The following SPA17 variants were observed in gnomAD, a reference collection of about 807,000 sequenced individuals.
SPA17 encodes the protein sperm autoantigenic protein 17.
SPA17 carries 7 observed loss-of-function variants against 13.8 expected under a neutral mutation model. The observed-to-expected ratio is 0.51, with a 90% CI of 0.29 to 0.95. The LOEUF is 0.95. SPA17 is among the 40% of genes least tolerant of loss of function. The pLI is 0.08. For missense variants in SPA17, 170 were observed against 179.3 expected (o/e 0.95, Z 0.30); for synonymous variants, 61 against 59.0 (o/e 1.03, Z -0.16).
At chr11:124,686,232 C>A (rs1015357997) in intron 3 of SPA17, among the ~76,000 whole-genome samples, 1 of 151,860 alleles carries the variant, frequency 6.6e-6, no homozygotes, top group Admixed American at 6.6e-5. Context: ...CCTCTTTGCC[C>A]CACTCTCATT....
At chr11:124,693,256 A>G (rs549487509) in intron 4 of SPA17, among the ~76,000 whole-genome samples, 21 of 152,260 alleles carry the variant, frequency 1.4e-4, no homozygotes, top group African/African-American at 4.6e-4. Flanking sequence ...CTCATTATTT[A>G]TAATAGGGGG....
intron 2 of SPA17, 62 bp downstream of exon 2, chr11:124,675,480 A>G (rs1943450905): frequency 2.3e-5 from 36 of 1,571,112 alleles, no homozygotes; most frequent in Non-Finnish European, 3.1e-5. Flanking sequence ...TTATGGTAAA[A>G]CTTGCTTAAG....
intron 4 of SPA17, among the ~76,000 whole-genome samples, chr11:124,693,481 A>G (rs1280954273): frequency 2.0e-5 from 3 of 147,572 alleles, no homozygotes; most frequent in Admixed American, 2.0e-4. Context: ...TTAAAATAAA[A>G]AGACATATAT....
At chr11:124,683,746 A>G (rs1299831859) in intron 3 of SPA17, among the ~76,000 whole-genome samples, 1 of 151,994 alleles carries the variant, frequency 6.6e-6, no homozygotes, top group Non-Finnish European at 1.5e-5. Context: ...AGTTTATTTT[A>G]TAATGATAAA....
intron 3 of SPA17, among the ~76,000 whole-genome samples, chr11:124,682,083 CAAAA>C (rs10589179): frequency 0.057 from 8,685 of 152,012 alleles, 576 homozygotes; most frequent in African/African-American, 0.16. Context: ...CAAGTTTCCT[CAAAA>C]AAATTAAGCC....
At chr11:124,681,161 G>A (rs994754259) in intron 2 of SPA17, among the ~76,000 whole-genome samples, 5 of 152,134 alleles carry the variant, frequency 3.3e-5, no homozygotes, top group African/African-American at 1.2e-4. Flanking sequence ...CGTTTTTAGT[G>A]CTTTTCTAAA....
intron 3 of SPA17, among the ~76,000 whole-genome samples, chr11:124,682,160 C>T (rs1289395095): frequency 6.6e-6 from 1 of 152,104 alleles, no homozygotes; most frequent in Non-Finnish European, 1.5e-5. Flanking sequence ...TAGAATGGTT[C>T]TGGTTAGGTA....
At chr11:124,681,828 T>C (rs148681202) in intron 3 of SPA17, among the ~76,000 whole-genome samples, 63 of 152,234 alleles carry the variant, frequency 4.1e-4, no homozygotes, top group African/African-American at 1.4e-3. Flanking sequence ...ATTCTTCAAA[T>C]GTTTTCAGCA....
rs146831113 is a variant in SPA17 at position 124,682,688 on chromosome 11, T to G, written c.225+1229T>G. On this transcript the variant is annotated intron_variant, in intron 3 of 4. Coordinates refer to ENST00000227135, the MANE Select transcript of SPA17 (RefSeq NM_017425.4). ...TGAATACAGGTCTGAAACAATCCAG[T>G]AAGACAAAAATAAAAAAGAATAAAC... 6.4e-4 allele frequency among the ~76,000 whole-genome samples: 97 copies of G among 151,982 alleles called. 2 individuals are homozygous for G. Among genetic ancestry groups the G allele is most frequent in the Admixed American group, 1.4e-3 (22 of 15,264 alleles).
chr11:124,673,984 C>G (rs1943420509), intron 1 of SPA17, 32 bp downstream of exon 1: 2 of 528,580 alleles, frequency 3.8e-6, no homozygotes, highest in Admixed American at 3.2e-5. Flanking sequence ...CTCTCCGATA[C>G]CAAGACCTAG....
rs36001463 is a variant in SPA17, at chr11:124,694,349, A to G, written c.359A>G (p.Lys120Arg). The change falls in exon 5 of 5, where the codon AAA becomes AGA. Residue 120 changes from lysine (K) to arginine (R), a missense_variant. Lys to Arg is a conservative substitution (Grantham distance 26). Transcript: ENST00000227135. ...DKEKEEVAAV[K>R]IQAAFRGHIA... is the part of the protein sequence containing the mutation. The stretch of plus-strand genomic sequence containing the variant: ...GAAAAAGAAGAGGTTGCTGCTGTCA[A>G]AATCCAAGCTGCCTTCCGGGGACAC... 1,191 of 1,614,096 alleles carry G rather than the reference A, an allele frequency of 7.4e-4. 8 individuals carry two copies. The African/African-American group carries it at 0.013, about 18-fold the overall frequency.
In SPA17 at chr11:124,681,334, C is replaced by A; in HGVS notation, c.155-55C>A. 3 of 1,403,310 alleles carry A rather than the reference C, an allele frequency of 2.1e-6. No individual in the cohort carries two copies. In the South Asian group the frequency reaches 4.0e-5, roughly 19 times the overall value. 86.9% of individuals were successfully genotyped at this position (1,403,310 alleles called of 1,614,324 possible). ...AACTTACATTTGTGTCACTATTCTACATTTACCTTAATGAATTCAAATAAA... is the reference window on the plus strand; with the variant it reads ...AACTTACATTTGTGTCACTATTCTAAATTTACCTTAATGAATTCAAATAAA... On this transcript the variant is annotated intron_variant, in intron 2 of 4. Transcript: ENST00000227135.
At chr11:124,686,017 C>T (rs1565425375) in intron 3 of SPA17, among the ~76,000 whole-genome samples, 1 of 152,110 alleles carries the variant, frequency 6.6e-6, no homozygotes. Flanking sequence ...CTTTGGGAGA[C>T]TGTTGGAAAG....
chr11:124,690,157 C>A (rs949008748), intron 3 of SPA17, among the ~76,000 whole-genome samples: 8 of 152,208 alleles, frequency 5.3e-5, no homozygotes, highest in African/African-American at 1.2e-4. Flanking sequence ...AAGATACATT[C>A]ATTTTTATGT....
In SPA17 at chr11:124,696,490, C is replaced by A. The variant is rs1487874182; in HGVS notation, c.*2044C>A. 6.6e-6 allele frequency: 1 copy of A among 151,900 alleles called. No homozygotes were observed. The highest frequency in any genetic ancestry group is 1.5e-5 in the Non-Finnish European group (1 of 68,028). The allele number at this position is 151,900 out of a possible 1,614,324, so 9.4% of individuals were successfully genotyped here. Reference sequence around the variant, plus strand: ...GCACTATGCATTCCATACACACACACACACACACACAGATCTCATGGTAGT... The same window carrying A: ...GCACTATGCATTCCATACACACACAAACACACACACAGATCTCATGGTAGT... On this transcript the variant is annotated 3_prime_UTR_variant, in exon 5 of 5. Transcript: ENST00000227135.
chr11:124,685,329 ATGTGGTGT>A (rs1177108522), intron 3 of SPA17, among the ~76,000 whole-genome samples: 1 of 152,244 alleles, frequency 6.6e-6, no homozygotes, highest in Non-Finnish European at 1.5e-5. Flanking sequence ...GGCAGCTTAC[ATGTGGTGT>A]TGAGTTTGTG....
At chr11:124,686,926 G>A (rs1413313379) in intron 3 of SPA17, among the ~76,000 whole-genome samples, 1 of 152,016 alleles carries the variant, frequency 6.6e-6, no homozygotes, top group Non-Finnish European at 1.5e-5. Flanking sequence ...TAGCAGAAGA[G>A]AGAACAAAGA....
At position 124,694,851 on chromosome 11, in the gene SPA17, A is replaced by G. The variant is rs1943657554; in HGVS notation, c.*405A>G. On this transcript the variant is annotated 3_prime_UTR_variant, in exon 5 of 5. Coordinates refer to ENST00000227135, the MANE Select transcript of SPA17 (RefSeq NM_017425.4). ...TAAAGAATTTCACTGCTTTTTAAGG[A>G]TAGTCTATTTAATTTTGGAATTTTT... 6.5e-6 allele frequency: 1 copy of G among 153,710 alleles called. No individual in the cohort carries two copies. Among genetic ancestry groups the G allele is most frequent in the African/African-American group, 2.4e-5 (1 of 41,468 alleles). The allele number at this position is 153,710 out of a possible 1,614,324, so 9.5% of individuals were successfully genotyped here.
At position 124,675,228 on chromosome 11, in the gene SPA17, G is replaced by A. The variant is rs1943445010; in HGVS notation, c.-27-10G>A. The stretch of plus-strand genomic sequence containing the variant: ...AAATTTAAAGACAGTACTCTTTAAT[G>A]AATCTTTAGGTTCCATAGGCAGTTC... On this transcript the variant is annotated splice_polypyrimidine_tract_variant and intron_variant, in intron 1 of 4. Coordinates refer to ENST00000227135, the MANE Select transcript of SPA17 (RefSeq NM_017425.4). The A allele has an allele frequency of 3.1e-6, 5 of 1,593,648 alleles. No individual in the cohort carries two copies. Among genetic ancestry groups the A allele is most frequent in the African/African-American group, 2.7e-5 (2 of 73,640 alleles).
Sources: allele counts gnomAD v4.1 joint callset (sites outside exome capture counted in the v4.1 genomes callset), GRCh38; gene constraint gnomAD v4.1.1; transcripts MANE v1.5; gene names NCBI Gene and HGNC (gene_info 2026-07-23, HGNC 2026-07-21).